The following NRG1 variants were observed in gnomAD, a reference collection of about 807,000 sequenced individuals.
NRG1 encodes pro-neuregulin-1, membrane-bound isoform.
In NRG1, 18 loss-of-function variants were observed where a neutral mutation model predicts 63.8. The ratio of observed to expected loss-of-function variants is 0.28; its 90% CI spans 0.19 to 0.42. NRG1 has a LOEUF of 0.42. NRG1 is among the 10% of genes least tolerant of loss of function. The probability of loss-of-function intolerance (pLI) is 1.00; values close to 1 mark genes in which losing one functional copy is unlikely to be tolerated. For missense variants in NRG1, 762 were observed against 814.7 expected, an observed-to-expected ratio of 0.94 and a Z score of 0.79; for synonymous variants, 302 against 301.3, an observed-to-expected ratio of 1.00 and a Z score of -0.02.
chr8:32,048,446 C>T (rs7012793), intron 1 of NRG1, among the ~76,000 whole-genome samples: 1,254 of 6,316 alleles, frequency 0.2, 72 homozygotes, highest in East Asian at 0.44. Context: ...TATATACATA[C>T]ATATATATAT....
chr8:31,815,970 T>A (rs1823401458), intron 1 of NRG1, among the ~76,000 whole-genome samples: 1 of 152,240 alleles, frequency 6.6e-6, no homozygotes, highest in African/African-American at 2.4e-5. Context: ...TGGAGAAGTA[T>A]CTGTGTATTC....
At chr8:32,260,614 C>T (rs931985752) in intron 1 of NRG1, among the ~76,000 whole-genome samples, 4 of 152,200 alleles carry the variant, frequency 2.6e-5, no homozygotes, top group Admixed American at 6.5e-5. Flanking sequence ...TATTTCCTTT[C>T]TCAACAACTC....
intron 1 of NRG1, among the ~76,000 whole-genome samples, chr8:31,681,114 A>G (rs547261389): frequency 9.5e-4 from 145 of 152,128 alleles, no homozygotes; most frequent in Non-Finnish European, 1.6e-3. Flanking sequence ...TGGTTAACTA[A>G]GTGGAGAAAA....
intron 11 of NRG1, chr8:32,763,146 GA>G: frequency 2.7e-6 from 4 of 1,492,210 alleles, no homozygotes; most frequent in Non-Finnish European, 3.7e-6. Context: ...TGGAAAAAAT[GA>G]AAAGCACACA....
intron 1 of NRG1, among the ~76,000 whole-genome samples, chr8:32,495,280 G>A (rs1374320125): frequency 1.3e-5 from 2 of 152,122 alleles, no homozygotes; most frequent in African/African-American, 4.8e-5. Context: ...TAAGTCTCAC[G>A]AGATCTGGTG....
At chr8:31,800,194 A>C (rs1821622959) in intron 1 of NRG1, among the ~76,000 whole-genome samples, 1 of 152,226 alleles carries the variant, frequency 6.6e-6, no homozygotes, top group Admixed American at 6.5e-5. Context: ...TCATAACAAA[A>C]AAAGCAATGA....
chr8:31,915,473 T>C (rs142620660), intron 1 of NRG1, among the ~76,000 whole-genome samples: 365 of 152,260 alleles, frequency 2.4e-3, no homozygotes, highest in African/African-American at 8.6e-3. Context: ...AGCTTACCTT[T>C]TTCTGACTGA....
At chr8:32,158,954 G>A (rs955135110) in intron 1 of NRG1, among the ~76,000 whole-genome samples, 6 of 152,118 alleles carry the variant, frequency 3.9e-5, no homozygotes, top group Non-Finnish European at 7.3e-5. Context: ...TCCCACCAGA[G>A]TCTGTCTGGC....
At chr8:31,892,168 G>A (rs1205804514) in intron 1 of NRG1, among the ~76,000 whole-genome samples, 1 of 152,104 alleles carries the variant, frequency 6.6e-6, no homozygotes, top group Non-Finnish European at 1.5e-5. Flanking sequence ...TCTTACAACT[G>A]CCTATGAATT....
chr8:31,801,936 T>A (rs1031155726), intron 1 of NRG1, among the ~76,000 whole-genome samples: 1 of 152,226 alleles, frequency 6.6e-6, no homozygotes, highest in African/African-American at 2.4e-5. Flanking sequence ...CTGCTTTCAC[T>A]AGAAAGACAT....
At chr8:31,746,920 G>A (rs921449877) in intron 1 of NRG1, among the ~76,000 whole-genome samples, 1 of 151,882 alleles carries the variant, frequency 6.6e-6, no homozygotes, top group Non-Finnish European at 1.5e-5. Context: ...AAAGACAAAT[G>A]TCACATGTTC....
At chr8:31,987,584 C>T (rs935580885) in intron 1 of NRG1, among the ~76,000 whole-genome samples, 1 of 151,740 alleles carries the variant, frequency 6.6e-6, no homozygotes, top group Non-Finnish European at 1.5e-5. Flanking sequence ...ACACTGAGGC[C>T]TACCTGAGGA....
chr8:32,194,731 A>G (rs1842806806), intron 1 of NRG1, among the ~76,000 whole-genome samples: 1 of 152,084 alleles, frequency 6.6e-6, no homozygotes, highest in African/African-American at 2.4e-5. Context: ...ACCAATGGAA[A>G]CCATTGGTCC....
chr8:32,014,724 CA>C (rs1231046806), intron 1 of NRG1, among the ~76,000 whole-genome samples: 3 of 133,728 alleles, frequency 2.2e-5, no homozygotes, highest in Non-Finnish European at 3.2e-5. Flanking sequence ...AACCCCCCCC[CA>C]AAAAAGATGT....
At chr8:32,441,428 G>A (rs898907001) in intron 1 of NRG1, 1 of 151,942 alleles carries the variant, frequency 6.6e-6, no homozygotes, top group Non-Finnish European at 1.5e-5. Flanking sequence ...TTGCAGCCTA[G>A]GCAACATGGT....
Position 32,648,097 on chromosome 8 carries a change from C to T in NRG1, c.502+31212C>T, listed in dbSNP as rs369500549. The T allele has an allele frequency of 1.1e-5, 17 of 1,614,126 alleles. No individual in the cohort carries two copies. The African/African-American group carries it at 1.2e-4, about 11-fold the overall frequency. ...CAGGACCCTATTATTTCTCTGGACGCAACTGCTGCCTCAGCTGTGTGGGTG... is the reference window on the plus strand; with the variant it reads ...CAGGACCCTATTATTTCTCTGGACGTAACTGCTGCCTCAGCTGTGTGGGTG... On this transcript the variant is annotated intron_variant, in intron 5 of 11. Transcript: ENST00000356819.
chr8:31,727,688 A>T (rs1813586627), intron 1 of NRG1, among the ~76,000 whole-genome samples: 1 of 152,168 alleles, frequency 6.6e-6, no homozygotes, highest in Admixed American at 6.5e-5. Context: ...TGGGGCAATT[A>T]TTCAAGAATG....
At chr8:31,964,373 C>T (rs144578516) in intron 1 of NRG1, among the ~76,000 whole-genome samples, 1 of 152,274 alleles carries the variant, frequency 6.6e-6, no homozygotes, top group African/African-American at 2.4e-5. Flanking sequence ...GAGAAGCTTA[C>T]TATAAAGAGC....
Position 31,784,500 on chromosome 8 carries a change from G to A in NRG1, c.37+145069G>A, listed in dbSNP as rs546247075. On this transcript the variant is annotated intron_variant, in intron 1 of 10. Coordinates refer to the NRG1 transcript ENST00000519301. ...CAATCTGTGCTTCTGAGAATTTGCCGAGTTTCAATGCTTTAATGTGTGTAT... is the reference window on the plus strand; with the variant it reads ...CAATCTGTGCTTCTGAGAATTTGCCAAGTTTCAATGCTTTAATGTGTGTAT... 1.6e-4 allele frequency among the ~76,000 whole-genome samples: 24 copies of A among 152,264 alleles called. 1 individual carries two copies. The highest frequency in any genetic ancestry group is 2.5e-4 in the Non-Finnish European group (17 of 68,008).
Sources: allele counts gnomAD v4.1 joint callset (sites outside exome capture counted in the v4.1 genomes callset), GRCh38; gene constraint gnomAD v4.1.1; transcripts MANE v1.5; gene names NCBI Gene and HGNC (gene_info 2026-07-23, HGNC 2026-07-21).